Variants in UNC13C observed in about 807,000 individuals in gnomAD.
The protein encoded by UNC13C is protein unc-13 homolog C.
Under a neutral mutation model 245.4 loss-of-function variants are expected in UNC13C, and 174 were observed. That is an observed-to-expected ratio of 0.71 (90% CI 0.63 to 0.80). The LOEUF is 0.80. Ranked by LOEUF, UNC13C falls within the 30% of genes least tolerant of loss-of-function variation. The pLI, the probability that UNC13C is intolerant of heterozygous loss-of-function variation, is 0.00. For synonymous variants in UNC13C, 992 were observed against 895.1 expected, an observed-to-expected ratio of 1.11 and a Z score of -1.93; for missense variants, 2,829 against 2,602.9, an observed-to-expected ratio of 1.09 and a Z score of -1.89.
chr15:54,403,328 C>T (rs1388431122), intron 18 of UNC13C, among the ~76,000 whole-genome samples: 1 of 151,818 alleles, frequency 6.6e-6, no homozygotes, highest in African/African-American at 2.4e-5. Flanking sequence ...GTCTCTTGAT[C>T]CTAGGAGTTC....
chr15:54,488,771 C>G (rs188252896), intron 19 of UNC13C, among the ~76,000 whole-genome samples: 1 of 152,218 alleles, frequency 6.6e-6, no homozygotes, highest in East Asian at 1.9e-4. Context: ...TCACATTTCT[C>G]ATTGAAATTC....
intron 19 of UNC13C, among the ~76,000 whole-genome samples, chr15:54,452,985 G>A (rs1891263594): frequency 6.6e-6 from 1 of 152,196 alleles, no homozygotes; most frequent in Non-Finnish European, 1.5e-5. Context: ...AAATGCAGAG[G>A]CTGTTGGGGC....
At chr15:54,502,709 A>G (rs1596483812) in intron 22 of UNC13C, among the ~76,000 whole-genome samples, 1 of 152,300 alleles carries the variant, frequency 6.6e-6, no homozygotes, top group South Asian at 2.1e-4. Context: ...GGCTCATATG[A>G]GAATTTAAAA....
intron 8 of UNC13C, among the ~76,000 whole-genome samples, chr15:54,255,397 C>T (rs997713101): frequency 1.8e-4 from 27 of 151,992 alleles, no homozygotes; most frequent in African/African-American, 6.0e-4. Context: ...CCAGGCTGTC[C>T]TCTGACTGCC....
chr15:54,522,973 A>G (rs1895287421), intron 24 of UNC13C, among the ~76,000 whole-genome samples: 1 of 152,220 alleles, frequency 6.6e-6, no homozygotes, highest in Non-Finnish European at 1.5e-5. Flanking sequence ...TTTTGATGTT[A>G]TACTACTTAT....
intron 2 of UNC13C, among the ~76,000 whole-genome samples, chr15:54,124,165 G>A (rs1029870359): frequency 6.6e-6 from 1 of 152,136 alleles, no homozygotes; most frequent in Non-Finnish European, 1.5e-5. Context: ...TTAATCATAT[G>A]TAGATTTTTG....
At chr15:54,243,417 A>G (rs62010032) in intron 7 of UNC13C, among the ~76,000 whole-genome samples, 57,445 of 151,920 alleles carry the variant, frequency 0.38, 11,912 homozygotes, top group African/African-American at 0.55. Context: ...CCATGTCTTT[A>G]CTATTGTGAA....
intron 4 of UNC13C, among the ~76,000 whole-genome samples, chr15:54,159,608 A>T (rs11071052): frequency 7.9e-5 from 12 of 152,252 alleles, no homozygotes; most frequent in Admixed American, 2.0e-4. Context: ...AATAATCTAG[A>T]GTTTAAGGGC....
chr15:54,321,494 T>C, intron 13 of UNC13C: 1 of 480,388 alleles, frequency 2.1e-6, no homozygotes, highest in South Asian at 1.5e-5. Context: ...CACAGTGGCA[T>C]ATGTGACAAA....
the UNC13C span, among the ~76,000 whole-genome samples, chr15:53,879,388 C>T: frequency 6.6e-6 from 1 of 152,048 alleles, no homozygotes; most frequent in Non-Finnish European, 1.5e-5. Context: ...GTCTGAAACT[C>T]CTGGGCTCCA....
At chr15:54,610,225 A>T (rs1194189895) in intron 30 of UNC13C, among the ~76,000 whole-genome samples, 1 of 152,044 alleles carries the variant, frequency 6.6e-6, no homozygotes, top group Non-Finnish European at 1.5e-5. Context: ...CTACTTATAG[A>T]CATATCGGTT....
intron 4 of UNC13C, among the ~76,000 whole-genome samples, chr15:54,221,167 G>A (rs2035213549): frequency 6.6e-6 from 1 of 151,888 alleles, no homozygotes; most frequent in Non-Finnish European, 1.5e-5. Context: ...TAGATTTTTC[G>A]TGTCAGTTTA....
At chr15:54,164,620 G>C (rs2033101415) in intron 4 of UNC13C, among the ~76,000 whole-genome samples, 1 of 152,214 alleles carries the variant, frequency 6.6e-6, no homozygotes, top group African/African-American at 2.4e-5. Context: ...TGTCAGTTCA[G>C]CCGGGTTTCT....
intron 18 of UNC13C, 143 bp downstream of exon 18, chr15:54,393,324 A>C (rs2040002445): frequency 1.4e-6 from 1 of 726,752 alleles, no homozygotes; most frequent in Admixed American, 4.0e-5. Context: ...AACTTTTATC[A>C]GTAAATATCA....
intron 19 of UNC13C, among the ~76,000 whole-genome samples, chr15:54,478,161 T>A (rs2075998065): frequency 6.6e-6 from 1 of 151,276 alleles, no homozygotes; most frequent in South Asian, 2.1e-4. Context: ...TGATATCCCC[T>A]TTATCATTTT....
Position 54,548,616 on chromosome 15 carries a change from C to G in UNC13C, c.5821-1019C>G, listed in dbSNP as rs910969366. Among the ~76,000 whole-genome samples, 6 of 152,128 alleles carry G rather than the reference C, an allele frequency of 3.9e-5. No individual in the cohort carries two copies. The East Asian group carries it at 9.7e-4, about 25-fold the overall frequency. On this transcript the variant is annotated intron_variant, in intron 27 of 32. Coordinates refer to ENST00000260323, the MANE Select transcript of UNC13C (RefSeq NM_001080534.3). Reference sequence around the variant, plus strand: ...AGGGCTTGGACTGTTCTGCCCATTGCTGTTTTTCCCATAAGCCCTATTATT... The same window carrying G: ...AGGGCTTGGACTGTTCTGCCCATTGGTGTTTTTCCCATAAGCCCTATTATT...
intron 18 of UNC13C, among the ~76,000 whole-genome samples, chr15:54,410,875 C>T (rs999874705): frequency 2.0e-5 from 3 of 151,966 alleles, no homozygotes; most frequent in Non-Finnish European, 4.4e-5. Context: ...TAGAATTTTT[C>T]TTCTAATTCT....
At chr15:54,486,288 C>CACACACACACACACAA (rs1893403280) in intron 19 of UNC13C, among the ~76,000 whole-genome samples, 5 of 149,182 alleles carry the variant, frequency 3.4e-5, no homozygotes, top group Non-Finnish European at 1.5e-5. Flanking sequence ...CACACACACA[C>CACACACACACACACAA]AATATCAGTG....
chr15:54,416,339 G>C (rs1427789926), intron 19 of UNC13C, among the ~76,000 whole-genome samples: 1 of 152,018 alleles, frequency 6.6e-6, no homozygotes, highest in African/African-American at 2.4e-5. Flanking sequence ...GGAACATTCA[G>C]TTTTTCTTAT....
Sources: gnomAD v4.1 joint callset for allele counts (sites outside exome capture counted in the v4.1 genomes callset) on GRCh38, gnomAD v4.1.1 for gene constraint, MANE v1.5 for transcripts, NCBI Gene and HGNC (gene_info 2026-07-23, HGNC 2026-07-21) for gene names.